The following AFG3L2 variants were observed in gnomAD, a reference collection of about 807,000 sequenced individuals.
AFG3L2 encodes the protein AFG3 like matrix AAA peptidase subunit 2, also known as mitochondrial inner membrane m-AAA protease component AFG3L2.
AFG3L2 carries 54 observed loss-of-function variants against 94.5 expected under a neutral mutation model. That is an observed-to-expected ratio of 0.57 (90% CI 0.46 to 0.72). The LOEUF is 0.72. Among genes scored for constraint, AFG3L2 ranks in the 30% least tolerant of loss-of-function variants. The probability of loss-of-function intolerance (pLI) is 0.00; values close to 1 mark genes in which losing one functional copy is unlikely to be tolerated. For synonymous variants in AFG3L2, 377 were observed against 365.5 expected, an observed-to-expected ratio of 1.03 and a Z score of -0.36; for missense variants, 754 against 994.9, an observed-to-expected ratio of 0.76 and a Z score of 3.26.
chr18:12,374,544 T>C lies in AFG3L2; in HGVS notation c.114+2425A>G, dbSNP rs535084241. Among the ~76,000 whole-genome samples, 10 of 151,938 alleles carry C rather than the reference T, an allele frequency of 6.6e-5. No homozygotes were observed. In the East Asian group the frequency reaches 1.7e-3, roughly 26 times the overall value. ...CAAATCTTCAGAGAGTACCAAAGAG[T>C]ATGTATCAGGACCGCGAACCCCCAC... On this transcript the variant is annotated intron_variant, in intron 1 of 16. Transcript: ENST00000269143.
rs186940482 is a variant in AFG3L2 at position 12,356,372 on chromosome 18, G to A, written c.1164+322C>T. On this transcript the variant is annotated intron_variant, in intron 9 of 16. Coordinates refer to ENST00000269143, the MANE Select transcript of AFG3L2 (RefSeq NM_006796.3). ...TCGCCATGTTGGCCAGGCTGGTCTC[G>A]AACTCCTGACTTCAAGCGTTCCACC... is the stretch of plus-strand genomic sequence containing the variant. Among the ~76,000 whole-genome samples, 13 of 152,206 alleles carry A rather than the reference G, an allele frequency of 8.5e-5. 1 individual carries two copies. In the East Asian group the frequency reaches 1.5e-3, roughly 18 times the overall value.
chr18:12,329,509 A>G lies in AFG3L2; in HGVS notation c.*56T>C. On this transcript the variant is annotated 3_prime_UTR_variant, in exon 17 of 17. Coordinates refer to ENST00000269143, the MANE Select transcript of AFG3L2 (RefSeq NM_006796.3). Reference sequence around the variant, plus strand: ...CATTCTTCTGAAAGCCACAGCTGAAATAATGCACCAGCTGAAACCACAGTG... The same window carrying G: ...CATTCTTCTGAAAGCCACAGCTGAAGTAATGCACCAGCTGAAACCACAGTG... 6.5e-7 allele frequency: 1 copy of G among 1,542,734 alleles called. No individual in the cohort carries two copies. The highest frequency in any genetic ancestry group is 9.0e-7 in the Non-Finnish European group (1 of 1,116,468).
chr18:12,373,558 G>C (rs1909054888), intron 1 of AFG3L2, among the ~76,000 whole-genome samples: 1 of 152,186 alleles, frequency 6.6e-6, no homozygotes, highest in Non-Finnish European at 1.5e-5. Flanking sequence ...CTTAGTCTTA[G>C]TCCTTTCTGT....
At chr18:12,354,657 C>G (rs1248307895) in intron 9 of AFG3L2, among the ~76,000 whole-genome samples, 1 of 152,192 alleles carries the variant, frequency 6.6e-6, no homozygotes, top group Non-Finnish European at 1.5e-5. Flanking sequence ...CCACCATCTT[C>G]AAGTCATCTA....
intron 12 of AFG3L2, 47 bp downstream of exon 12, chr18:12,351,038 T>C: frequency 6.2e-7 from 1 of 1,610,254 alleles, no homozygotes; most frequent in Non-Finnish European, 8.5e-7. Flanking sequence ...TAACTGTTAC[T>C]GATTTTAATA....
chr18:12,350,179 T>G (rs1451450251), intron 12 of AFG3L2, among the ~76,000 whole-genome samples: 1 of 151,280 alleles, frequency 6.6e-6, no homozygotes, highest in Non-Finnish European at 1.5e-5. Context: ...CCCGGCTAAT[T>G]TCTGTATTTT....
intron 7 of AFG3L2, 46 bp downstream of exon 7, chr18:12,359,881 C>T (rs990797358): frequency 6.2e-7 from 1 of 1,609,882 alleles, no homozygotes; most frequent in African/African-American, 1.3e-5. Context: ...CAGTGAACCA[C>T]AGGCAGCACA....
At chr18:12,371,773 G>T (rs1873223880) in intron 1 of AFG3L2, 82 bp from the exon 2 acceptor site, 2 of 1,125,408 alleles carry the variant, frequency 1.8e-6, no homozygotes, top group African/African-American at 1.6e-5. Context: ...TCATAAAGTA[G>T]ATGAAAGGTC....
chr18:12,367,450 G>C (rs536137483), intron 3 of AFG3L2, 68 bp from the exon 4 acceptor site: 10 of 1,418,302 alleles, frequency 7.1e-6, no homozygotes. Context: ...ATGTCTTCAT[G>C]TATACGGTTT....
At chr18:12,329,854 T>C (rs1907461644) in intron 16 of AFG3L2, 71 bp from the exon 17 acceptor site, 1 of 1,345,612 alleles carries the variant, frequency 7.4e-7, no homozygotes, top group African/African-American at 1.5e-5. Context: ...AATTTTTTAT[T>C]TACAGGTGAC....
chr18:12,365,283 T>C lies in AFG3L2; in HGVS notation c.553-1427A>G, dbSNP rs1369715250. Among the ~76,000 whole-genome samples, 3 of 152,132 alleles carry C rather than the reference T, an allele frequency of 2.0e-5. No homozygotes were observed. The South Asian group carries it at 6.2e-4, about 32-fold the overall frequency. ...AGAGGGTCAGGAGGAGCTGCAGCTA[T>C]GGAGAAGCCACCTCGAGGACCTGCC... On this transcript the variant is annotated intron_variant, in intron 5 of 16. Coordinates refer to ENST00000269143, the MANE Select transcript of AFG3L2 (RefSeq NM_006796.3).
chr18:12,347,082 G>A lies in AFG3L2; in HGVS notation c.1663+1191C>T, dbSNP rs1908163733. Among the ~76,000 whole-genome samples, 3 of 151,960 alleles carry A rather than the reference G, an allele frequency of 2.0e-5. No individual in the cohort carries two copies. The South Asian group carries it at 6.2e-4, about 32-fold the overall frequency. ...GTGGAGGTTGCAGTGAGCCGAGATT[G>A]TGCCACTGCACCCCAGCCTGGGTGA... On this transcript the variant is annotated intron_variant, in intron 13 of 16. Coordinates refer to ENST00000269143, the MANE Select transcript of AFG3L2 (RefSeq NM_006796.3).
intron 16 of AFG3L2, among the ~76,000 whole-genome samples, chr18:12,331,340 G>A (rs538512908): frequency 6.6e-6 from 1 of 152,312 alleles, no homozygotes; most frequent in Admixed American, 6.5e-5. Context: ...CATGACTGCA[G>A]TTTCTTTCTT....
At chr18:12,373,694 T>C (rs1220250846) in intron 1 of AFG3L2, among the ~76,000 whole-genome samples, 2 of 152,000 alleles carry the variant, frequency 1.3e-5, no homozygotes, top group African/African-American at 4.8e-5. Context: ...ACATGCTAGG[T>C]CAAATTATGG....
At chr18:12,374,435 G>C (rs938418014) in intron 1 of AFG3L2, among the ~76,000 whole-genome samples, 1 of 152,146 alleles carries the variant, frequency 6.6e-6, no homozygotes, top group Non-Finnish European at 1.5e-5. Context: ...TTCTGTCTCT[G>C]ATCTTTAAGG....
At chr18:12,365,366 G>A (rs1908773958) in intron 5 of AFG3L2, among the ~76,000 whole-genome samples, 2 of 152,194 alleles carry the variant, frequency 1.3e-5, no homozygotes. Flanking sequence ...CTGCTTCTGA[G>A]CAGCTTCTGA....
intron 1 of AFG3L2, among the ~76,000 whole-genome samples, chr18:12,375,488 A>C (rs562467031): frequency 1.8e-4 from 27 of 150,650 alleles, no homozygotes; most frequent in Admixed American, 4.6e-4. Flanking sequence ...TGAGAGGAGG[A>C]GGCGGGAGGA....
intron 9 of AFG3L2, among the ~76,000 whole-genome samples, chr18:12,356,348 C>T (rs1192745761): frequency 2.6e-5 from 4 of 152,120 alleles, no homozygotes; most frequent in African/African-American, 9.7e-5. Flanking sequence ...GACAGGGTTT[C>T]GCCATGTTGG....
Position 12,340,354 on chromosome 18 carries a change from T to C in AFG3L2, c.1827A>G (p.Leu609=), listed in dbSNP as rs1382874892. 2 of 1,614,080 alleles carry C rather than the reference T, an allele frequency of 1.2e-6. No individual in the cohort carries two copies. Among genetic ancestry groups the C allele is most frequent in the Admixed American group, 3.3e-5 (2 of 60,016 alleles). ...TGGTATAGAGGTATTGTTCTTTTGG[T>C]AAATACTGAGCATAACCTAGTCCTT... ...RGKGLGYAQY[L]PKEQYLYTKE... is the part of the protein sequence containing the mutation. Residue 609 remains leucine, a synonymous_variant, in exon 15 of 17, where the codon TTA becomes TTG. Coordinates refer to ENST00000269143, the MANE Select transcript of AFG3L2 (RefSeq NM_006796.3).
Sources: allele counts gnomAD v4.1 joint callset (sites outside exome capture counted in the v4.1 genomes callset), GRCh38; gene constraint gnomAD v4.1.1; transcripts MANE v1.5; gene names NCBI Gene and HGNC (gene_info 2026-07-23, HGNC 2026-07-21).